The following GSE1 variants were observed in gnomAD, a reference collection of about 807,000 sequenced individuals.
GSE1 encodes the protein genetic suppressor element 1.
In GSE1, 32 loss-of-function variants were observed where a neutral mutation model predicts 112.6. That is an observed-to-expected ratio of 0.28 (90% CI 0.21 to 0.38). The LOEUF is 0.38. Ranked by LOEUF, GSE1 falls within the 10% of genes least tolerant of loss-of-function variation. The pLI is 1.00. For missense variants in GSE1, 2,348 were observed against 1,699.2 expected (o/e 1.38, Z -6.71); for synonymous variants, 1,115 against 735.6 (o/e 1.52, Z -8.35).
chr16:85,193,286 T>G (rs34674046), intron 1 of GSE1, among the ~76,000 whole-genome samples: 8,694 of 152,268 alleles, frequency 0.057, 468 homozygotes, highest in South Asian at 0.23. Context: ...CACACCATCC[T>G]GTTGAATAGC....
chr16:85,192,713 G>C (rs1597764721), intron 1 of GSE1, among the ~76,000 whole-genome samples: 1 of 152,224 alleles, frequency 6.6e-6, no homozygotes. Context: ...TTCAGCAAGT[G>C]GCAGAGGGCG....
intron 1 of GSE1, among the ~76,000 whole-genome samples, chr16:85,603,074 C>T (rs75256917): frequency 0.011 from 1,681 of 152,366 alleles, 31 homozygotes; most frequent in African/African-American, 0.039. Flanking sequence ...TGCTTGGAGA[C>T]AGGTGTGTTC....
chr16:85,545,975 C>T (rs950606008), intron 2 of GSE1, among the ~76,000 whole-genome samples: 7 of 151,970 alleles, frequency 4.6e-5, no homozygotes, highest in Admixed American at 6.6e-5. Flanking sequence ...TTAGTAGAGA[C>T]GGGGTTTCAC....
chr16:85,262,751 C>T (rs1907833972), intron 1 of GSE1, among the ~76,000 whole-genome samples: 1 of 152,180 alleles, frequency 6.6e-6, no homozygotes, highest in Non-Finnish European at 1.5e-5. Context: ...TTTCCTCATC[C>T]GAAATTGGGT....
At chr16:85,645,472 G>A (rs969631539) in intron 2 of GSE1, among the ~76,000 whole-genome samples, 1 of 152,196 alleles carries the variant, frequency 6.6e-6, no homozygotes, top group African/African-American at 2.4e-5. Flanking sequence ...CGTTCTGCAG[G>A]AAGCAACGGA....
intron 1 of GSE1, among the ~76,000 whole-genome samples, chr16:85,325,004 G>C (rs929695566): frequency 2.0e-5 from 3 of 152,014 alleles, no homozygotes; most frequent in Non-Finnish European, 4.4e-5. Flanking sequence ...GTCTCACTCT[G>C]TCACTGCAGC....
chr16:85,534,806 G>A (rs769834560), intron 2 of GSE1, among the ~76,000 whole-genome samples: 2 of 152,160 alleles, frequency 1.3e-5, no homozygotes, highest in Admixed American at 1.3e-4. Context: ...TGTGACGTCC[G>A]TCAGCGTTGC....
intron 1 of GSE1, among the ~76,000 whole-genome samples, chr16:85,308,639 A>G (rs1445284089): frequency 3.3e-5 from 5 of 152,118 alleles, no homozygotes; most frequent in Non-Finnish European, 7.4e-5. Context: ...GCCTGGCTTT[A>G]TGTTGTGTAT....
intron 1 of GSE1, among the ~76,000 whole-genome samples, chr16:85,355,893 G>A (rs1031925362): frequency 6.6e-5 from 10 of 152,036 alleles, no homozygotes; most frequent in Admixed American, 1.3e-4. Flanking sequence ...CGGGCATGGG[G>A]GCGGGCACCT....
intron 1 of GSE1, among the ~76,000 whole-genome samples, chr16:85,232,242 A>G (rs1567626309): frequency 6.6e-6 from 1 of 152,214 alleles, no homozygotes; most frequent in African/African-American, 2.4e-5. Context: ...GAACATCCAA[A>G]GAGAAGCTGT....
intron 2 of GSE1, among the ~76,000 whole-genome samples, chr16:85,366,961 C>T (rs866099494): frequency 3.9e-5 from 6 of 152,164 alleles, no homozygotes; most frequent in South Asian, 2.1e-4. Context: ...GGGGTGTCCC[C>T]GGGGCAGGGC....
intron 2 of GSE1, among the ~76,000 whole-genome samples, chr16:85,391,278 G>A (rs1374232935): frequency 2.0e-5 from 3 of 152,234 alleles, no homozygotes; most frequent in Non-Finnish European, 4.4e-5. Context: ...GCACCCACCC[G>A]AAGAAGCAGG....
At chr16:85,487,482 G>A (rs1419964507) in intron 2 of GSE1, among the ~76,000 whole-genome samples, 1 of 152,150 alleles carries the variant, frequency 6.6e-6, no homozygotes, top group Admixed American at 6.5e-5. Context: ...GCCTCGTTAT[G>A]AGCCAGGAAG....
At chr16:85,625,537 C>T (rs539593392) in intron 1 of GSE1, among the ~76,000 whole-genome samples, 1 of 152,324 alleles carries the variant, frequency 6.6e-6, no homozygotes, top group Admixed American at 6.5e-5. Context: ...TGACCTGCTC[C>T]CTTGCACTGT....
chr16:85,467,408 A>G (rs1001575994), intron 2 of GSE1, among the ~76,000 whole-genome samples: 1 of 152,144 alleles, frequency 6.6e-6, no homozygotes, highest in African/African-American at 2.4e-5. Flanking sequence ...AAGAACACAA[A>G]TTTTGTTTGC....
At chr16:85,394,621 T>C (rs2047926158) in intron 2 of GSE1, among the ~76,000 whole-genome samples, 1 of 152,068 alleles carries the variant, frequency 6.6e-6, no homozygotes, top group African/African-American at 2.4e-5. Context: ...AGGATCACCT[T>C]GAGATTGCAG....
chr16:85,492,027 G>A (rs888780812), intron 2 of GSE1, among the ~76,000 whole-genome samples: 2 of 152,154 alleles, frequency 1.3e-5, no homozygotes, highest in African/African-American at 4.8e-5. Context: ...CCGAGGTGCT[G>A]GGAAGCTGAC....
chr16:85,458,943 C>T (rs550784621), intron 2 of GSE1, among the ~76,000 whole-genome samples: 6 of 152,288 alleles, frequency 3.9e-5, no homozygotes, highest in South Asian at 2.1e-4. Flanking sequence ...CTGGATAAAC[C>T]GTGCCACCTG....
At chr16:85,418,412 G>A (rs990542158) in intron 2 of GSE1, among the ~76,000 whole-genome samples, 7 of 152,292 alleles carry the variant, frequency 4.6e-5, no homozygotes, top group South Asian at 2.1e-4. Context: ...TGCTTGTCTC[G>A]TCTACTGCTC....
Sources: allele counts gnomAD v4.1 joint callset (sites outside exome capture counted in the v4.1 genomes callset), GRCh38; gene constraint gnomAD v4.1.1; transcripts MANE v1.5; gene names NCBI Gene and HGNC (gene_info 2026-07-23, HGNC 2026-07-21).